MTUS2: variants seen among roughly 807,000 people sequenced by gnomAD.
MTUS2 encodes the protein microtubule associated scaffold protein 2.
In MTUS2, 40 loss-of-function variants were observed where a neutral mutation model predicts 114.1. That is an observed-to-expected ratio of 0.35 (90% CI 0.27 to 0.46). MTUS2 has a LOEUF of 0.46. Among genes scored for constraint, MTUS2 ranks in the 20% least tolerant of loss-of-function variants. The pLI, the probability that MTUS2 is intolerant of heterozygous loss-of-function variation, is 1.00. For synonymous variants in MTUS2, 688 were observed against 672.0 expected (o/e 1.02, Z -0.37); for missense variants, 1,679 against 1,705.4 (o/e 0.98, Z 0.27).
At chr13:29,101,782 A>G (rs564386627) in intron 5 of MTUS2, among the ~76,000 whole-genome samples, 17 of 152,304 alleles carry the variant, frequency 1.1e-4, no homozygotes, top group African/African-American at 3.8e-4. Flanking sequence ...GGGGTTATAG[A>G]AGTTGAATCA....
At chr13:29,371,885 C>T (rs1202855737) in intron 8 of MTUS2, among the ~76,000 whole-genome samples, 1 of 151,196 alleles carries the variant, frequency 6.6e-6, no homozygotes, top group Non-Finnish European at 1.5e-5. Context: ...TTCTGGAGGC[C>T]TAATGTTCAG....
At position 29,026,822 on chromosome 13, in the gene MTUS2, C is replaced by A. The variant is rs371479373; in HGVS notation, c.2124C>A (p.Val708=). The change falls in exon 3 of 16, where the codon GTC becomes GTA. Residue 708 remains valine (V), a synonymous_variant. Transcript: ENST00000612955. The part of the protein sequence containing the change: ...KFKPDLQKPR[V]FSSGLMVSGI... ...AGCCAGACCTGCAGAAGCCAAGGGT[C>A]TTCAGTTCCGGATTGATGGTGTCTG... 1.3e-4 allele frequency: 214 copies of A among 1,611,172 alleles called. No individual in the cohort carries two copies. Among genetic ancestry groups the A allele is most frequent in the Non-Finnish European group, 1.7e-4 (204 of 1,179,878 alleles).
Position 28,906,819 on chromosome 13 carries a change from A to G in MTUS2, c.-243+66969A>G, listed in dbSNP as rs533678854. On this transcript the variant is annotated intron_variant, in intron 2 of 15. Transcript: ENST00000612955. ...ATGGGGAGAATGGAACCAAGTTGGA[A>G]AACACTTTGCACGGTGTTATCCAGG... Among the ~76,000 whole-genome samples, 8 of 151,628 alleles carry G rather than the reference A, an allele frequency of 5.3e-5. 1 individual carries two copies. Among genetic ancestry groups the G allele is most frequent in the African/African-American group, 1.7e-4 (7 of 41,122 alleles).
intron 5 of MTUS2, among the ~76,000 whole-genome samples, chr13:29,237,823 T>G (rs1410684912): frequency 6.6e-6 from 1 of 152,162 alleles, no homozygotes; most frequent in Non-Finnish European, 1.5e-5. Flanking sequence ...CTCAACTTCA[T>G]TAATCATCAT....
At chr13:29,170,427 A>G (rs1247679353) in intron 5 of MTUS2, among the ~76,000 whole-genome samples, 2 of 152,246 alleles carry the variant, frequency 1.3e-5, no homozygotes, top group Non-Finnish European at 2.9e-5. Context: ...TTATGCTTCT[A>G]GTAACAGGCC....
chr13:29,441,712 C>T (rs2138690357), intron 9 of MTUS2, among the ~76,000 whole-genome samples: 1 of 152,228 alleles, frequency 6.6e-6, no homozygotes, highest in African/African-American at 2.4e-5. Flanking sequence ...GACTCACCAC[C>T]CTTCACCCGT....
chr13:28,872,872 T>C (rs1877706082), intron 2 of MTUS2, among the ~76,000 whole-genome samples: 1 of 152,178 alleles, frequency 6.6e-6, no homozygotes, highest in Non-Finnish European at 1.5e-5. Flanking sequence ...AAGCAATGTT[T>C]GATGAGATTA....
intron 5 of MTUS2, among the ~76,000 whole-genome samples, chr13:29,213,255 AC>A (rs1321830421): frequency 6.6e-6 from 1 of 152,176 alleles, no homozygotes; most frequent in East Asian, 1.9e-4. Flanking sequence ...TTGTTTTATG[AC>A]CCACAACAAA....
chr13:29,384,719 C>A (rs1872519907), intron 8 of MTUS2, among the ~76,000 whole-genome samples: 2 of 152,220 alleles, frequency 1.3e-5, no homozygotes, highest in Admixed American at 6.5e-5. Context: ...CTGCTGACGT[C>A]CAATGCTTTA....
At chr13:29,337,920 C>G (rs942024373) in intron 7 of MTUS2, among the ~76,000 whole-genome samples, 1 of 151,458 alleles carries the variant, frequency 6.6e-6, no homozygotes, top group African/African-American at 2.4e-5. Flanking sequence ...TCCCAAGTAG[C>G]TGGGACTACA....
intron 6 of MTUS2, among the ~76,000 whole-genome samples, chr13:29,319,068 A>T (rs902862348): frequency 1.3e-5 from 2 of 152,150 alleles, no homozygotes; most frequent in African/African-American, 4.8e-5. Context: ...TGTAGCTCTG[A>T]ATCTCCGTAT....
At chr13:29,087,408 G>A (rs1889741194) in intron 4 of MTUS2, among the ~76,000 whole-genome samples, 1 of 152,176 alleles carries the variant, frequency 6.6e-6, no homozygotes, top group Non-Finnish European at 1.5e-5. Flanking sequence ...CACAATTACT[G>A]TTTTGCATAT....
intron 6 of MTUS2, among the ~76,000 whole-genome samples, chr13:29,314,869 G>T (rs1290146947): frequency 6.6e-6 from 1 of 152,120 alleles, no homozygotes; most frequent in Non-Finnish European, 1.5e-5. Flanking sequence ...GAGGTATCTG[G>T]ACTCTTGTGT....
At chr13:28,951,483 G>T (rs963858609) in intron 2 of MTUS2, among the ~76,000 whole-genome samples, 2 of 152,074 alleles carry the variant, frequency 1.3e-5, no homozygotes, top group African/African-American at 4.8e-5. Flanking sequence ...TTTTGTGAGT[G>T]CATTCTCTTA....
chr13:28,859,246 G>A (rs1001905510), intron 2 of MTUS2, among the ~76,000 whole-genome samples: 11 of 152,158 alleles, frequency 7.2e-5, no homozygotes, highest in African/African-American at 2.7e-4. Flanking sequence ...GTACTACAGG[G>A]GTGGCTGGGG....
intron 5 of MTUS2, among the ~76,000 whole-genome samples, chr13:29,273,761 T>C (rs1707988139): frequency 6.6e-6 from 1 of 152,232 alleles, no homozygotes; most frequent in African/African-American, 2.4e-5. Flanking sequence ...CTGTCTATTC[T>C]GGACATTTCA....
At chr13:29,289,153 A>G (rs1246990078) in intron 6 of MTUS2, among the ~76,000 whole-genome samples, 2 of 152,218 alleles carry the variant, frequency 1.3e-5, no homozygotes, top group African/African-American at 4.8e-5. Flanking sequence ...GTAGTAATTG[A>G]AGCATGTGAT....
chr13:29,438,605 G>A (rs1378379157), intron 8 of MTUS2, among the ~76,000 whole-genome samples: 1 of 152,094 alleles, frequency 6.6e-6, no homozygotes, highest in East Asian at 1.9e-4. Context: ...CTTCCCAGAA[G>A]CCCCACCTCC....
At chr13:28,946,561 A>G (rs1016099998) in intron 2 of MTUS2, among the ~76,000 whole-genome samples, 1 of 152,202 alleles carries the variant, frequency 6.6e-6, no homozygotes, top group Admixed American at 6.5e-5. Flanking sequence ...GGGGGTTCCT[A>G]TGATCTTCCT....
Sources: allele counts gnomAD v4.1 joint callset (sites outside exome capture counted in the v4.1 genomes callset), GRCh38; gene constraint gnomAD v4.1.1; transcripts MANE v1.5; gene names NCBI Gene and HGNC (gene_info 2026-07-23, HGNC 2026-07-21).